TNFRSF19: variants seen among roughly 807,000 people sequenced by gnomAD.
The protein encoded by TNFRSF19 is tumor necrosis factor receptor superfamily member 19.
In TNFRSF19, 27 loss-of-function variants were observed where a neutral mutation model predicts 46.4. That is an observed-to-expected ratio of 0.58 (90% CI 0.43 to 0.80). The LOEUF (loss-of-function observed/expected upper bound fraction) is 0.80. TNFRSF19 is among the 30% of genes least tolerant of loss of function. TNFRSF19 has a pLI of 0.00. For synonymous variants in TNFRSF19, 204 were observed against 205.0 expected, an observed-to-expected ratio of 1.00 and a Z score of 0.04; for missense variants, 511 against 530.8, an observed-to-expected ratio of 0.96 and a Z score of 0.37.
chr13:23,570,633 A>AT lies in TNFRSF19; in HGVS notation c.-249dup, dbSNP rs1285298005. The stretch of plus-strand genomic sequence containing the variant: ...TGAACTTTCTTTGATATCCATGCAT[A>AT]TATATAAACTCAGCCCTGCCTTTGA... On this transcript the variant is annotated 5_prime_UTR_variant, in exon 1 of 10. An upstream open reading frame in the 5' UTR gains an earlier in-frame stop. Transcript: ENST00000248484. 1 of 152,218 alleles carries AT rather than the reference A, an allele frequency of 6.6e-6. No individual in the cohort carries two copies. The highest frequency in any genetic ancestry group is 1.5e-5 in the Non-Finnish European group (1 of 68,056). The allele number at this position is 152,218 out of a possible 1,614,324, so 9.4% of individuals were successfully genotyped here. A position where few individuals can be genotyped will look rare whatever the true frequency, so the allele number is the denominator to read the frequency against.
chr13:23,634,014 G>T (rs1191424574), intron 5 of TNFRSF19, among the ~76,000 whole-genome samples: 1 of 152,076 alleles, frequency 6.6e-6, no homozygotes, highest in Non-Finnish European at 1.5e-5. Context: ...TGTTTCCATA[G>T]CCCTAATTTC....
chr13:23,632,423 A>G (rs1278306942), intron 5 of TNFRSF19, among the ~76,000 whole-genome samples: 1 of 152,218 alleles, frequency 6.6e-6, no homozygotes, highest in Non-Finnish European at 1.5e-5. Context: ...AGGAAAGCCC[A>G]TGGTTTGTGG....
chr13:23,594,669 G>C (rs1267883720), intron 3 of TNFRSF19, among the ~76,000 whole-genome samples: 1 of 152,226 alleles, frequency 6.6e-6, no homozygotes, highest in African/African-American at 2.4e-5. Flanking sequence ...TCAGGGAAGG[G>C]GTGGCTGTGG....
chr13:23,597,564 G>A (rs533158510), intron 3 of TNFRSF19, among the ~76,000 whole-genome samples: 1 of 152,110 alleles, frequency 6.6e-6, no homozygotes, highest in African/African-American at 2.4e-5. Flanking sequence ...TTAAATCCCT[G>A]AATAGACCAA....
chr13:23,610,273 C>G (rs1330357590), intron 3 of TNFRSF19, among the ~76,000 whole-genome samples: 1 of 152,118 alleles, frequency 6.6e-6, no homozygotes, highest in Non-Finnish European at 1.5e-5. Flanking sequence ...TAGGTAGGAC[C>G]CGCTTATGTT....
At chr13:23,626,885 C>A in intron 5 of TNFRSF19, 93 bp downstream of exon 5, 2 of 1,178,616 alleles carry the variant, frequency 1.7e-6, no homozygotes, top group Non-Finnish European at 2.4e-6. Flanking sequence ...CAGATGGAGC[C>A]AAATCTGTCT....
chr13:23,593,441 A>G lies in TNFRSF19; in HGVS notation c.166A>G (p.Met56Val). Residue 56 changes from methionine to valine, a missense_variant, in exon 3 of 10, where the codon ATG becomes GTG. By Grantham distance (21) the Met-to-Val change is conservative. Around this residue, in one of 3 missense-constraint regions of TNFRSF19, gnomAD observed 121 missense variants for 124.1 expected, o/e 0.98. Coordinates refer to ENST00000248484, the MANE Select transcript of TNFRSF19 (RefSeq NM_148957.4). ...CVPCNQCGPG[M>V]ELSKECGFGY... is the part of the protein sequence containing the mutation. ...TCCCTGCAACCAGTGTGGGCCAGGC[A>G]TGGAGTTGTCTAAGGTATATTGGAT... 1 of 1,603,118 alleles carries G rather than the reference A, an allele frequency of 6.2e-7. No homozygotes were observed.
chr13:23,581,603 G>A (rs918706244), intron 1 of TNFRSF19, among the ~76,000 whole-genome samples: 4 of 152,038 alleles, frequency 2.6e-5, no homozygotes, highest in African/African-American at 4.8e-5. Flanking sequence ...AATGGATTGC[G>A]ACATGTAATG....
chr13:23,666,685 C>G (rs1191054547), intron 7 of TNFRSF19, among the ~76,000 whole-genome samples: 1 of 152,194 alleles, frequency 6.6e-6, no homozygotes, highest in East Asian at 1.9e-4. Context: ...TGCTTTAAAA[C>G]AATTTTGAAA....
At chr13:23,631,277 T>A (rs759303909) in intron 5 of TNFRSF19, among the ~76,000 whole-genome samples, 1 of 152,234 alleles carries the variant, frequency 6.6e-6, no homozygotes, top group Non-Finnish European at 1.5e-5. Context: ...GCAGCATTGA[T>A]CATTACAAAA....
chr13:23,582,089 T>G (rs1179884952), intron 1 of TNFRSF19, among the ~76,000 whole-genome samples: 1 of 151,956 alleles, frequency 6.6e-6, no homozygotes, highest in African/African-American at 2.4e-5. Context: ...TATTAAATAT[T>G]CACAGGCTTG....
chr13:23,605,383 G>C (rs1880440878), intron 3 of TNFRSF19, among the ~76,000 whole-genome samples: 1 of 152,210 alleles, frequency 6.6e-6, no homozygotes, highest in Non-Finnish European at 1.5e-5. Context: ...AAATGGTACA[G>C]CCATTTGGAA....
At chr13:23,626,395 T>C (rs1257551458) in intron 4 of TNFRSF19, among the ~76,000 whole-genome samples, 1 of 152,188 alleles carries the variant, frequency 6.6e-6, no homozygotes, top group Non-Finnish European at 1.5e-5. Flanking sequence ...TATTCATTTA[T>C]AAGGTATTTT....
chr13:23,655,720 T>A (rs1398745376), intron 5 of TNFRSF19, among the ~76,000 whole-genome samples: 1 of 149,874 alleles, frequency 6.7e-6, no homozygotes, highest in African/African-American at 2.5e-5. Flanking sequence ...AGCCACTTTA[T>A]ATAGCTAGTA....
At chr13:23,666,782 G>C (rs572789456) in intron 7 of TNFRSF19, among the ~76,000 whole-genome samples, 8 of 152,272 alleles carry the variant, frequency 5.3e-5, no homozygotes, top group East Asian at 3.9e-4. Flanking sequence ...ATGTTTAGAT[G>C]GTCTGGACGG....
chr13:23,611,757 T>C (rs1480268324), intron 3 of TNFRSF19, among the ~76,000 whole-genome samples: 1 of 152,246 alleles, frequency 6.6e-6, no homozygotes, highest in African/African-American at 2.4e-5. Context: ...TATTTTCATT[T>C]GCTGCATGGT....
At chr13:23,584,627 TAAAA>T (rs67871815) in intron 1 of TNFRSF19, among the ~76,000 whole-genome samples, 2 of 137,206 alleles carry the variant, frequency 1.5e-5, no homozygotes, top group African/African-American at 2.7e-5. Context: ...AAGTTTTATT[TAAAA>T]AAAAAAAAAA....
chr13:23,587,874 A>T (rs1878959075), intron 1 of TNFRSF19, among the ~76,000 whole-genome samples: 1 of 152,054 alleles, frequency 6.6e-6, no homozygotes, highest in South Asian at 2.1e-4. Context: ...CTTGGTTCAA[A>T]CTCTTAGTGG....
chr13:23,576,223 T>C (rs944260518), intron 1 of TNFRSF19, among the ~76,000 whole-genome samples: 7 of 151,436 alleles, frequency 4.6e-5, no homozygotes, highest in Admixed American at 2.0e-4. Context: ...AACCTCTGCC[T>C]CCCGGGTTCA....
Sources: allele counts gnomAD v4.1 joint callset (sites outside exome capture counted in the v4.1 genomes callset), GRCh38; gene constraint gnomAD v4.1.1; regional missense constraint gnomAD v4.1.1; transcripts MANE v1.5; gene names NCBI Gene and HGNC (gene_info 2026-07-23, HGNC 2026-07-21).